SYT1: variants seen among roughly 807,000 people sequenced by gnomAD.
SYT1 encodes synaptotagmin 1.
Under a neutral mutation model 44.8 loss-of-function variants are expected in SYT1, and 8 were observed. The ratio of observed to expected loss-of-function variants is 0.18; its 90% CI spans 0.10 to 0.32. The LOEUF is 0.32. SYT1 is among the 10% of genes least tolerant of loss of function. The probability of loss-of-function intolerance (pLI) is 1.00; values close to 1 mark genes in which losing one functional copy is unlikely to be tolerated. For synonymous variants in SYT1, 154 were observed against 188.8 expected (o/e 0.82, Z 1.51); for missense variants, 286 against 509.3 (o/e 0.56, Z 4.22).
At chr12:78,932,175 A>C (rs533835996) in intron 1 of SYT1, among the ~76,000 whole-genome samples, 1 of 152,358 alleles carries the variant, frequency 6.6e-6, no homozygotes, top group African/African-American at 2.4e-5. Flanking sequence ...CATCTTTAGA[A>C]TATAATCTGA....
chr12:79,092,673 G>T (rs553345667), intron 3 of SYT1, among the ~76,000 whole-genome samples: 1 of 151,534 alleles, frequency 6.6e-6, no homozygotes, highest in Non-Finnish European at 1.5e-5. Flanking sequence ...ACTGAAGTTC[G>T]GAATTCTTAC....
intron 2 of SYT1, among the ~76,000 whole-genome samples, chr12:79,008,723 G>T (rs1248761361): frequency 6.6e-6 from 1 of 152,046 alleles, no homozygotes; most frequent in Admixed American, 6.6e-5. Context: ...GATACGTAAG[G>T]TGCTCCAAAT....
chr12:79,053,363 G>T (rs148573255), intron 3 of SYT1, among the ~76,000 whole-genome samples: 6 of 152,110 alleles, frequency 3.9e-5, no homozygotes, highest in South Asian at 4.2e-4. Flanking sequence ...GTTGTGGGGT[G>T]GGGGGAGCAG....
chr12:78,991,359 TA>T (rs984792998), intron 2 of SYT1, among the ~76,000 whole-genome samples: 8 of 152,118 alleles, frequency 5.3e-5, no homozygotes, highest in African/African-American at 1.9e-4. Flanking sequence ...TTATATTTTA[TA>T]TTAAGCTTGT....
intron 9 of SYT1, among the ~76,000 whole-genome samples, chr12:79,435,720 T>C (rs1348317937): frequency 1.3e-5 from 2 of 152,204 alleles, no homozygotes; most frequent in Admixed American, 6.5e-5. Context: ...CTTCTTCTAA[T>C]GCAGGGCTTA....
At chr12:78,952,511 T>A (rs1231402435) in intron 1 of SYT1, among the ~76,000 whole-genome samples, 2 of 152,150 alleles carry the variant, frequency 1.3e-5, no homozygotes, top group Admixed American at 1.3e-4. Context: ...CGGCATGGAC[T>A]GTCAGGATAC....
At chr12:79,054,219 C>A (rs1466786133) in intron 3 of SYT1, among the ~76,000 whole-genome samples, 1 of 151,974 alleles carries the variant, frequency 6.6e-6, no homozygotes, top group Non-Finnish European at 1.5e-5. Context: ...TAAACGGGGA[C>A]AACTAGTGAA....
intron 1 of SYT1, among the ~76,000 whole-genome samples, chr12:78,930,940 A>G (rs1012384048): frequency 6.6e-6 from 1 of 151,648 alleles, no homozygotes; most frequent in Non-Finnish European, 1.5e-5. Flanking sequence ...GACTGAATAA[A>G]TGGTAAATAT....
chr12:79,089,255 G>A (rs1045472895), intron 3 of SYT1, among the ~76,000 whole-genome samples: 2 of 151,950 alleles, frequency 1.3e-5, no homozygotes, highest in Admixed American at 1.3e-4. Flanking sequence ...GGTTTAGAAG[G>A]CTAAAGTGGA....
chr12:79,041,436 G>A (rs1426744870), intron 2 of SYT1, among the ~76,000 whole-genome samples: 1 of 150,986 alleles, frequency 6.6e-6, no homozygotes, highest in Non-Finnish European at 1.5e-5. Context: ...GTCTGTTGTT[G>A]GTGTATAAGA....
chr12:79,361,200 A>G (rs1313213851), intron 9 of SYT1, among the ~76,000 whole-genome samples: 1 of 152,212 alleles, frequency 6.6e-6, no homozygotes, highest in Non-Finnish European at 1.5e-5. Context: ...CACTGTTCTA[A>G]ATGCTTTACA....
intron 4 of SYT1, among the ~76,000 whole-genome samples, chr12:79,239,069 C>T (rs1394871984): frequency 2.6e-5 from 4 of 152,172 alleles, no homozygotes; most frequent in Non-Finnish European, 4.4e-5. Flanking sequence ...TTTGTATGTA[C>T]TGCTCCTATA....
intron 1 of SYT1, among the ~76,000 whole-genome samples, chr12:78,888,567 T>C (rs1874873045): frequency 6.6e-6 from 1 of 151,950 alleles, no homozygotes; most frequent in African/African-American, 2.4e-5. Context: ...CTTAGAAATG[T>C]CCAATAAATA....
At chr12:79,205,977 G>A (rs1874099095) in intron 3 of SYT1, among the ~76,000 whole-genome samples, 1 of 151,864 alleles carries the variant, frequency 6.6e-6, no homozygotes, top group Non-Finnish European at 1.5e-5. Context: ...TGTACTCTAA[G>A]AGACCATTAA....
intron 2 of SYT1, among the ~76,000 whole-genome samples, chr12:79,043,783 T>C (rs1320151318): frequency 1.3e-5 from 2 of 152,226 alleles, no homozygotes; most frequent in Admixed American, 6.5e-5. Flanking sequence ...CCTTTCCATG[T>C]TTAGCACTTC....
intron 8 of SYT1, among the ~76,000 whole-genome samples, chr12:79,346,348 G>T (rs889667572): frequency 6.6e-6 from 1 of 152,080 alleles, no homozygotes; most frequent in African/African-American, 2.4e-5. Context: ...TTATCAAGCT[G>T]CTCAGAACAA....
intron 4 of SYT1, among the ~76,000 whole-genome samples, chr12:79,224,748 TTTTTTATTA>T (rs1168392796): frequency 0.065 from 1,350 of 20,816 alleles, 35 homozygotes; most frequent in East Asian, 0.2. Flanking sequence ...TATTTATTTA[TTTTTTATTA>T]TTATTATTAT....
rs1057500672 is a variant in SYT1, at chr12:79,428,484, A to C, written c.929-15589A>C. ...CCCCAAGCATGCACCATCTGAAGACAGATGCATACCCCATGTCTGAGGGGT... is the reference window on the plus strand; with the variant it reads ...CCCCAAGCATGCACCATCTGAAGACCGATGCATACCCCATGTCTGAGGGGT... On this transcript the variant is annotated intron_variant, in intron 9 of 10. Coordinates refer to ENST00000261205, the MANE Select transcript of SYT1 (RefSeq NM_005639.3). 2.1e-4 allele frequency among the ~76,000 whole-genome samples: 32 copies of C among 152,336 alleles called. 1 individual carries two copies. The highest frequency in any genetic ancestry group is 7.5e-4 in the African/African-American group (31 of 41,570).
intron 2 of SYT1, among the ~76,000 whole-genome samples, chr12:78,995,580 T>C (rs1217649905): frequency 6.6e-6 from 1 of 152,178 alleles, no homozygotes; most frequent in African/African-American, 2.4e-5. Flanking sequence ...AGCAAAGAAA[T>C]TGTATTACAG....
Sources: allele counts gnomAD v4.1 joint callset (sites outside exome capture counted in the v4.1 genomes callset), GRCh38; gene constraint gnomAD v4.1.1; transcripts MANE v1.5; gene names NCBI Gene and HGNC (gene_info 2026-07-23, HGNC 2026-07-21).